WWOX: variants seen among roughly 807,000 people sequenced by gnomAD.
The protein encoded by WWOX is WW domain containing oxidoreductase.
Under a neutral mutation model 46.2 loss-of-function variants are expected in WWOX, and 69 were observed. That is an observed-to-expected ratio of 1.49 (90% CI 1.23 to 1.82). The LOEUF is 1.82. Ranked by LOEUF, WWOX falls within the 40% of genes most tolerant of loss-of-function variation. The pLI, the probability that WWOX is intolerant of heterozygous loss-of-function variation, is 0.00. For missense variants in WWOX, 919 were observed against 542.6 expected (o/e 1.69, Z -6.89); for synonymous variants, 359 against 202.6 (o/e 1.77, Z -6.56).
intron 8 of WWOX, among the ~76,000 whole-genome samples, chr16:79,059,237 C>T (rs950498100): frequency 1.3e-5 from 2 of 152,126 alleles, no homozygotes; most frequent in African/African-American, 4.8e-5. Context: ...TTGTTGTCAT[C>T]CTGAAATGCT....
chr16:79,120,324 G>A (rs2049602994), intron 8 of WWOX, among the ~76,000 whole-genome samples: 1 of 152,174 alleles, frequency 6.6e-6, no homozygotes, highest in Non-Finnish European at 1.5e-5. Context: ...ATTGCTGTCA[G>A]GCGCATTTAC....
At chr16:79,077,762 C>T (rs2048686345) in intron 8 of WWOX, 1 of 151,194 alleles carries the variant, frequency 6.6e-6, no homozygotes, top group South Asian at 2.1e-4. Context: ...GTTTTGTTAT[C>T]ATTTGCTAAT....
intron 8 of WWOX, chr16:78,895,683 A>G (rs939070999): frequency 6.6e-6 from 1 of 152,242 alleles, no homozygotes; most frequent in African/African-American, 2.4e-5. Flanking sequence ...TACTACTATT[A>G]TCTTGCCCAT....
At chr16:78,125,333 C>T (rs1471254745) in intron 4 of WWOX, among the ~76,000 whole-genome samples, 3 of 152,148 alleles carry the variant, frequency 2.0e-5, no homozygotes, top group East Asian at 1.9e-4. Flanking sequence ...GAGTCTGTGC[C>T]TGGGGCCCCT....
chr16:78,408,250 C>T lies in WWOX; in HGVS notation c.606-16620C>T, dbSNP rs754523201. Among the ~76,000 whole-genome samples the T allele has an allele frequency of 4.5e-4, 68 of 152,150 alleles. 1 individual carries two copies. The highest frequency in any genetic ancestry group is 1.2e-4 in the Non-Finnish European group (8 of 68,034). On this transcript the variant is annotated intron_variant, in intron 6 of 8. Transcript: ENST00000566780. ...CCTATTTTACATATTCCTGCCCTTC[C>T]CTAACTGGTTTCCTATGCTGTCATG...
chr16:78,887,004 A>T (rs4887990), intron 8 of WWOX, among the ~76,000 whole-genome samples: 1 of 150,952 alleles, frequency 6.6e-6, no homozygotes, highest in Non-Finnish European at 1.5e-5. Context: ...TTGAGTTTTC[A>T]TATTGTCAGT....
intron 5 of WWOX, chr16:78,267,053 AT>A: frequency 6.2e-6 from 1 of 162,128 alleles, no homozygotes. Context: ...CTTCTTCCTC[AT>A]TTTCTCTTGC....
chr16:78,706,741 A>G (rs1862824), intron 8 of WWOX, among the ~76,000 whole-genome samples: 101,056 of 152,086 alleles, frequency 0.66, 34,878 homozygotes, highest in African/African-American at 0.88. Flanking sequence ...GTACTGACGC[A>G]ATTGGCACCT....
chr16:78,469,642 T>C (rs2084172840), intron 8 of WWOX, among the ~76,000 whole-genome samples: 1 of 152,218 alleles, frequency 6.6e-6, no homozygotes, highest in African/African-American at 2.4e-5. Context: ...AGGACATGTC[T>C]GAGTACCGCG....
At chr16:78,394,314 A>G (rs1297139680) in intron 6 of WWOX, among the ~76,000 whole-genome samples, 2 of 152,190 alleles carry the variant, frequency 1.3e-5, no homozygotes, top group African/African-American at 4.8e-5. Context: ...GCTCTAATGA[A>G]TGCTCTAAAT....
chr16:79,067,738 G>A (rs184410607), intron 8 of WWOX, among the ~76,000 whole-genome samples: 2 of 152,252 alleles, frequency 1.3e-5, no homozygotes, highest in East Asian at 1.9e-4. Context: ...TATTCGCTGT[G>A]CCTATGGTAG....
chr16:78,824,085 CTTTAT>C (rs2051582046), intron 8 of WWOX, among the ~76,000 whole-genome samples: 2 of 151,966 alleles, frequency 1.3e-5, no homozygotes, highest in African/African-American at 2.4e-5. Context: ...TTTTCTAGTA[CTTTAT>C]TTTATTTTAC....
intron 8 of WWOX, among the ~76,000 whole-genome samples, chr16:78,855,360 C>T (rs1413651761): frequency 6.6e-6 from 1 of 151,960 alleles, no homozygotes; most frequent in East Asian, 1.9e-4. Flanking sequence ...TTAGTGTTAG[C>T]TGACTAAAAT....
intron 8 of WWOX, among the ~76,000 whole-genome samples, chr16:78,694,743 C>G (rs2048063972): frequency 6.6e-6 from 1 of 152,022 alleles, no homozygotes; most frequent in African/African-American, 2.4e-5. Context: ...CATAAGAACG[C>G]TTTATTGGAA....
chr16:78,732,521 C>T (rs1244293629), intron 8 of WWOX, among the ~76,000 whole-genome samples: 3 of 152,098 alleles, frequency 2.0e-5, no homozygotes, highest in African/African-American at 7.2e-5. Context: ...ATTGCTGACC[C>T]ACAGAATTCA....
intron 8 of WWOX, among the ~76,000 whole-genome samples, chr16:78,765,744 G>A (rs899098518): frequency 3.9e-5 from 6 of 152,264 alleles, no homozygotes; most frequent in South Asian, 2.1e-4. Context: ...CAGTTGTGCC[G>A]AGGAGGGACT....
rs2046109250 is a variant in WWOX, at chr16:78,619,143, ATATATAT to A, written c.1056+186392_1056+186398del. 1.1e-3 allele frequency among the ~76,000 whole-genome samples: 4 copies of A among 3,524 alleles called. 2 individuals carry two copies. Among genetic ancestry groups the A allele is most frequent in the Admixed American group, 7.9e-3 (2 of 254 alleles). 2.3% of individuals were successfully genotyped at this position (3,524 alleles called of 152,430 possible). On this transcript the variant is annotated intron_variant, in intron 8 of 8. Transcript: ENST00000566780. ...AAACCCCATTTCTACTAAAAAAAAA[ATATATAT>A]ATATATATATATATATATATATATA...
intron 8 of WWOX, among the ~76,000 whole-genome samples, chr16:78,858,460 T>G (rs1472882659): frequency 6.6e-6 from 1 of 152,078 alleles, no homozygotes; most frequent in African/African-American, 2.4e-5. Context: ...AATACATGTA[T>G]TATCATGTCT....
At chr16:78,914,236 C>T (rs1476504230) in intron 8 of WWOX, among the ~76,000 whole-genome samples, 1 of 152,038 alleles carries the variant, frequency 6.6e-6, no homozygotes, top group African/African-American at 2.4e-5. Context: ...ATCCATCCGT[C>T]TATTCATTCA....
Sources: gnomAD v4.1 joint callset for allele counts (sites outside exome capture counted in the v4.1 genomes callset) on GRCh38, gnomAD v4.1.1 for gene constraint, MANE v1.5 for transcripts, NCBI Gene and HGNC (gene_info 2026-07-23, HGNC 2026-07-21) for gene names.